Variants in ZNF536 observed in about 807,000 individuals in gnomAD.
The protein encoded by ZNF536 is zinc finger protein 536.
Under a neutral mutation model 84.5 loss-of-function variants are expected in ZNF536, and 13 were observed. That is an observed-to-expected ratio of 0.15 (90% CI 0.10 to 0.24). ZNF536 has a LOEUF of 0.24. ZNF536 is among the 10% of genes least tolerant of loss of function. ZNF536 has a pLI of 1.00. For missense variants in ZNF536, 1,536 were observed against 1,747.5 expected (o/e 0.88, Z 2.16); for synonymous variants, 811 against 742.5 (o/e 1.09, Z -1.50).
chr19:30,593,192 G>T (rs1251689817), intron 1 of ZNF536, among the ~76,000 whole-genome samples: 1 of 152,194 alleles, frequency 6.6e-6, no homozygotes, highest in African/African-American at 2.4e-5. Flanking sequence ...CTTCCATCTC[G>T]CAGCTCCTCC....
intron 1 of ZNF536, among the ~76,000 whole-genome samples, chr19:30,688,017 TAA>T (rs5827729): frequency 0.044 from 5,945 of 136,416 alleles, 190 homozygotes; most frequent in Non-Finnish European, 0.059. Flanking sequence ...TTATGACTGC[TAA>T]AAAAAAAAAA....
chr19:30,317,950 AC>A (rs1217349451), intron 2 of ZNF536, among the ~76,000 whole-genome samples: 2 of 152,214 alleles, frequency 1.3e-5, no homozygotes, highest in Non-Finnish European at 2.9e-5. Context: ...AAGCAATGTT[AC>A]GCAAAATGCC....
chr19:30,598,877 A>G (rs1261803625), intron 1 of ZNF536, among the ~76,000 whole-genome samples: 2 of 149,402 alleles, frequency 1.3e-5, no homozygotes, highest in African/African-American at 2.5e-5. Context: ...CTTCCTCACT[A>G]TTTTTTCCTC....
rs192374256 is a variant in ZNF536 at position 30,648,548 on chromosome 19, G to A, written c.170-62209G>A. ...CCTTCTGCAGGACAGCAACTTCCCC[G>A]GATCAAGTGGCAGAAACAGCATCAG... On this transcript the variant is annotated intron_variant, in intron 1 of 1. Coordinates refer to the ZNF536 transcript ENST00000592773. 3.6e-3 allele frequency among the ~76,000 whole-genome samples: 545 copies of A among 152,184 alleles called. 6 individuals are homozygous for A. The highest frequency in any genetic ancestry group is 0.011 in the African/African-American group (467 of 41,530).
intron 1 of ZNF536, among the ~76,000 whole-genome samples, chr19:30,612,505 T>G (rs1037400873): frequency 1.3e-5 from 2 of 152,152 alleles, no homozygotes; most frequent in African/African-American, 4.8e-5. Flanking sequence ...CGGCTTCCCA[T>G]CTTAAAATGA....
intron 1 of ZNF536, among the ~76,000 whole-genome samples, chr19:30,643,649 A>T (rs564409782): frequency 7.9e-5 from 12 of 152,008 alleles, no homozygotes; most frequent in Admixed American, 7.2e-4. Flanking sequence ...ATCGCAAAGC[A>T]ATTTCTGCAG....
At chr19:30,626,896 C>T (rs1427334670) in intron 1 of ZNF536, among the ~76,000 whole-genome samples, 7 of 152,234 alleles carry the variant, frequency 4.6e-5, no homozygotes. Flanking sequence ...TCCAGGCTGC[C>T]CTCCCGTCCT....
intron 1 of ZNF536, among the ~76,000 whole-genome samples, chr19:30,684,606 G>T (rs1057378669): frequency 2.6e-5 from 4 of 152,194 alleles, no homozygotes; most frequent in African/African-American, 7.2e-5. Context: ...CATGTGCACC[G>T]ATTTGATTCC....
intron 1 of ZNF536, among the ~76,000 whole-genome samples, chr19:30,645,815 T>C (rs917497258): frequency 7.2e-5 from 11 of 152,216 alleles, no homozygotes; most frequent in Admixed American, 2.6e-4. Flanking sequence ...GAGCTTCCCA[T>C]CTAGACACAT....
At chr19:30,416,443 C>T (rs1207227065) in intron 1 of ZNF536, among the ~76,000 whole-genome samples, 3 of 152,084 alleles carry the variant, frequency 2.0e-5, no homozygotes, top group Admixed American at 6.5e-5. Context: ...TTCTGTGGTT[C>T]TCTAGGTCTG....
At chr19:30,606,173 A>G (rs1039721158) in intron 1 of ZNF536, among the ~76,000 whole-genome samples, 4 of 143,142 alleles carry the variant, frequency 2.8e-5, no homozygotes, top group African/African-American at 5.1e-5. Context: ...AATAAAATAA[A>G]TAAAATAAAA....
intron 3 of ZNF536, among the ~76,000 whole-genome samples, chr19:30,367,023 T>G (rs2048457064): frequency 1.3e-5 from 2 of 152,182 alleles, no homozygotes; most frequent in African/African-American, 4.8e-5. Flanking sequence ...ACAGCCTGGA[T>G]GAGTTTGAGG....
intron 1 of ZNF536, among the ~76,000 whole-genome samples, chr19:30,709,117 A>G (rs2052360640): frequency 6.6e-6 from 1 of 152,158 alleles, no homozygotes; most frequent in African/African-American, 2.4e-5. Flanking sequence ...TCGAGATGGT[A>G]GAGTCTGTGC....
At chr19:30,586,623 A>G (rs2047106219) in intron 1 of ZNF536, among the ~76,000 whole-genome samples, 1 of 152,204 alleles carries the variant, frequency 6.6e-6, no homozygotes, top group Non-Finnish European at 1.5e-5. Context: ...GCCAACTTCT[A>G]GAGGATGGTC....
chr19:30,388,364 G>A (rs1260204649), intron 1 of ZNF536, among the ~76,000 whole-genome samples: 2 of 152,226 alleles, frequency 1.3e-5, no homozygotes, highest in Non-Finnish European at 2.9e-5. Flanking sequence ...GGTGGGGTTA[G>A]GCAGGGGGCT....
intron 3 of ZNF536, among the ~76,000 whole-genome samples, chr19:30,364,424 G>A (rs8105547): frequency 0.032 from 4,820 of 152,264 alleles, 195 homozygotes; most frequent in African/African-American, 0.093. Flanking sequence ...CTACTCGGGA[G>A]GCTGAGGTGG....
At chr19:30,657,040 G>T (rs1306364291) in intron 1 of ZNF536, among the ~76,000 whole-genome samples, 1 of 152,128 alleles carries the variant, frequency 6.6e-6, no homozygotes, top group African/African-American at 2.4e-5. Context: ...TATTTCATCC[G>T]AAACCACAGA....
At chr19:30,580,927 G>A (rs1386120537) in intron 1 of ZNF536, among the ~76,000 whole-genome samples, 3 of 152,148 alleles carry the variant, frequency 2.0e-5, no homozygotes, top group African/African-American at 7.2e-5. Context: ...GGTGGCCCCA[G>A]CATTTTCCAA....
At chr19:30,672,897 G>A (rs1776119454) in intron 1 of ZNF536, among the ~76,000 whole-genome samples, 1 of 152,160 alleles carries the variant, frequency 6.6e-6, no homozygotes, top group South Asian at 2.1e-4. Flanking sequence ...GGAACTATGT[G>A]GACAACCTCA....
Sources: gnomAD v4.1 joint callset for allele counts (sites outside exome capture counted in the v4.1 genomes callset) on GRCh38, gnomAD v4.1.1 for gene constraint, MANE v1.5 for transcripts, NCBI Gene and HGNC (gene_info 2026-07-23, HGNC 2026-07-21) for gene names.